The following OSBPL10 variants were observed in gnomAD, a reference collection of about 807,000 sequenced individuals.
The protein encoded by OSBPL10 is oxysterol-binding protein-related protein 10.
A neutral mutation model predicts 81.7 loss-of-function variants in OSBPL10; 49 were observed. The ratio of observed to expected loss-of-function variants is 0.60; its 90% CI spans 0.48 to 0.76. The LOEUF (loss-of-function observed/expected upper bound fraction) is 0.76. Among genes scored for constraint, OSBPL10 ranks in the 30% least tolerant of loss-of-function variants. The pLI, the probability that OSBPL10 is intolerant of heterozygous loss-of-function variation, is 0.00. For synonymous variants in OSBPL10, 419 were observed against 383.6 expected, an observed-to-expected ratio of 1.09 and a Z score of -1.08; for missense variants, 923 against 987.8, an observed-to-expected ratio of 0.93 and a Z score of 0.88.
At chr3:31,663,512 G>T in intron 11 of OSBPL10, 4 of 998,454 alleles carry the variant, frequency 4.0e-6, no homozygotes, top group Non-Finnish European at 4.8e-6. Context: ...CTGCCCACTT[G>T]CCCAGATATT....
chr3:31,827,612 G>A (rs1295561723), intron 4 of OSBPL10, among the ~76,000 whole-genome samples: 1 of 151,756 alleles, frequency 6.6e-6, no homozygotes, highest in Non-Finnish European at 1.5e-5. Flanking sequence ...CTCCAGCCTG[G>A]GCAACAGAGT....
At chr3:31,911,494 A>C (rs1283667031) in intron 1 of OSBPL10, among the ~76,000 whole-genome samples, 2 of 152,104 alleles carry the variant, frequency 1.3e-5, no homozygotes, top group Non-Finnish European at 2.9e-5. Flanking sequence ...AATACCTTCA[A>C]CATTCCCTCT....
Position 31,660,978 on chromosome 3 carries a change from A to G in OSBPL10, c.*1094T>C, listed in dbSNP as rs1233864806. 1.3e-5 allele frequency: 2 copies of G among 152,670 alleles called. No homozygotes were observed. The highest frequency in any genetic ancestry group is 1.3e-4 in the Admixed American group (2 of 15,280). 9.5% of individuals were successfully genotyped at this position (152,670 alleles called of 1,614,324 possible). A position where few individuals can be genotyped will look rare whatever the true frequency, so the allele number is the denominator to read the frequency against. ...ATTGGAGTGGCACAGTAAAAAATAA[A>G]TTAAGCATTCAGCAAAAACCAGATA... On this transcript the variant is annotated 3_prime_UTR_variant, in exon 12 of 12. Transcript: ENST00000396556.
intron 2 of OSBPL10, among the ~76,000 whole-genome samples, chr3:32,012,465 C>G (rs916155269): frequency 7.9e-5 from 12 of 152,270 alleles, no homozygotes; most frequent in African/African-American, 2.9e-4. Context: ...AAAGGAACAA[C>G]CAGTATCAGC....
chr3:31,737,262 G>A (rs1173944393), intron 5 of OSBPL10, among the ~76,000 whole-genome samples: 1 of 152,210 alleles, frequency 6.6e-6, no homozygotes, highest in Non-Finnish European at 1.5e-5. Context: ...AGGCTGGATA[G>A]AGCTGTCTCA....
In OSBPL10 at chr3:31,950,473, G is replaced by T. The variant is rs192566187; in HGVS notation, c.281+30426C>A. On this transcript the variant is annotated intron_variant, in intron 1 of 11. Coordinates refer to ENST00000396556, the MANE Select transcript of OSBPL10 (RefSeq NM_017784.5). ...CTTACTATATCAAAAACTAGAAAAG[G>T]TGCAGAACAATGCAAATGCTTATAC... Among the ~76,000 whole-genome samples the T allele has an allele frequency of 1.1e-3, 166 of 152,286 alleles. 1 individual carries two copies. The highest frequency in any genetic ancestry group is 3.8e-3 in the African/African-American group (158 of 41,558).
At chr3:31,726,149 G>A (rs1272557390) in intron 6 of OSBPL10, among the ~76,000 whole-genome samples, 2 of 152,052 alleles carry the variant, frequency 1.3e-5, no homozygotes, top group Non-Finnish European at 2.9e-5. Context: ...TTTGATCTCA[G>A]GTAAGGCACA....
intron 2 of OSBPL10, among the ~76,000 whole-genome samples, chr3:32,003,971 G>A (rs930070145): frequency 2.0e-5 from 3 of 152,134 alleles, no homozygotes; most frequent in Non-Finnish European, 4.4e-5. Context: ...CTGGATTTGG[G>A]AAAGTGAGAT....
intron 1 of OSBPL10, among the ~76,000 whole-genome samples, chr3:32,060,063 C>T (rs1073209): frequency 0.71 from 106,989 of 151,416 alleles, 39,615 homozygotes; most frequent in East Asian, 0.9. Context: ...AAATTATCTT[C>T]GTGAAAAGTC....
At chr3:31,912,286 C>T (rs1285585106) in intron 1 of OSBPL10, among the ~76,000 whole-genome samples, 2 of 151,278 alleles carry the variant, frequency 1.3e-5, no homozygotes, top group African/African-American at 2.4e-5. Flanking sequence ...CCCAGCTACT[C>T]GGGAGGCTGA....
intron 6 of OSBPL10, among the ~76,000 whole-genome samples, chr3:31,731,234 G>C (rs1484608240): frequency 6.6e-6 from 1 of 152,060 alleles, no homozygotes; most frequent in Non-Finnish European, 1.5e-5. Flanking sequence ...AATGAGGGGA[G>C]TCTTTGCCAA....
chr3:31,816,079 G>T (rs578097942), intron 4 of OSBPL10, among the ~76,000 whole-genome samples: 1 of 141,778 alleles, frequency 7.1e-6, no homozygotes, highest in Non-Finnish European at 1.5e-5. Flanking sequence ...TACTCTAATC[G>T]TCAGGAGGAA....
At chr3:32,014,336 G>A (rs1375439608) in intron 2 of OSBPL10, among the ~76,000 whole-genome samples, 2 of 152,114 alleles carry the variant, frequency 1.3e-5, no homozygotes, top group Non-Finnish European at 2.9e-5. Context: ...CAGAACCAAT[G>A]ACAAAAAGTA....
At chr3:31,824,715 G>A (rs1575568409) in intron 4 of OSBPL10, among the ~76,000 whole-genome samples, 1 of 152,066 alleles carries the variant, frequency 6.6e-6, no homozygotes, top group South Asian at 2.1e-4. Flanking sequence ...ATCAATCAGT[G>A]CTTTCTCTTG....
At chr3:31,718,483 T>C (rs1311258115) in intron 6 of OSBPL10, among the ~76,000 whole-genome samples, 2 of 152,138 alleles carry the variant, frequency 1.3e-5, no homozygotes, top group Non-Finnish European at 2.9e-5. Context: ...CCAAGCTAGG[T>C]TTTCTGTCAC....
At chr3:31,751,326 G>A (rs965952127) in intron 4 of OSBPL10, among the ~76,000 whole-genome samples, 6 of 151,978 alleles carry the variant, frequency 3.9e-5, no homozygotes, top group African/African-American at 4.8e-5. Context: ...CAGTCTGGGC[G>A]ACAGAGTGAG....
chr3:31,787,220 G>C (rs987710636), intron 4 of OSBPL10, among the ~76,000 whole-genome samples: 1 of 152,136 alleles, frequency 6.6e-6, no homozygotes, highest in African/African-American at 2.4e-5. Flanking sequence ...TTCTTTTAAA[G>C]TCCTAAAAAT....
At chr3:31,935,725 T>C (rs1429303397) in intron 1 of OSBPL10, among the ~76,000 whole-genome samples, 2 of 152,074 alleles carry the variant, frequency 1.3e-5, no homozygotes, top group East Asian at 3.9e-4. Context: ...GGTTTCACCA[T>C]GTTGGTCAGG....
intron 1 of OSBPL10, among the ~76,000 whole-genome samples, chr3:31,949,232 G>GA: frequency 1.3e-5 from 2 of 152,182 alleles, no homozygotes; most frequent in South Asian, 2.1e-4. Context: ...CCAATCAACT[G>GA]AAAAAACAGG....
Sources: gnomAD v4.1 joint callset for allele counts (sites outside exome capture counted in the v4.1 genomes callset) on GRCh38, gnomAD v4.1.1 for gene constraint, MANE v1.5 for transcripts, NCBI Gene and HGNC (gene_info 2026-07-23, HGNC 2026-07-21) for gene names.